Variants in SLC35D1 observed in about 807,000 individuals in gnomAD.
The protein encoded by SLC35D1 is nucleotide sugar transporter SLC35D1.
SLC35D1 carries 31 observed loss-of-function variants against 46.7 expected under a neutral mutation model. The observed-to-expected ratio is 0.66, with a 90% CI of 0.50 to 0.90. SLC35D1 has a LOEUF of 0.90. Ranked by LOEUF, SLC35D1 falls within the 40% of genes least tolerant of loss-of-function variation. SLC35D1 has a pLI of 0.00. For synonymous variants in SLC35D1, 195 were observed against 164.6 expected (o/e 1.18, Z -1.41); for missense variants, 397 against 426.2 (o/e 0.93, Z 0.60).
At chr1:66,987,825 G>C in the SLC35D1 span, 1 of 151,990 alleles carries the variant, frequency 6.6e-6, no homozygotes, top group Non-Finnish European at 1.5e-5. Flanking sequence ...TTTTTCAGTG[G>C]TTCTTGGTCC....
Position 67,034,102 on chromosome 1 carries a change from T to C in SLC35D1, c.729+8134A>G, listed in dbSNP as rs548932372. On this transcript the variant is annotated intron_variant, in intron 8 of 11. Coordinates refer to ENST00000235345, the MANE Select transcript of SLC35D1 (RefSeq NM_015139.3). ...TGTTTTGGTTACTATAGCTCTGTAG[T>C]ATAATTTGAAGTCAGGTAATGTGAT... Among the ~76,000 whole-genome samples the C allele has an allele frequency of 3.2e-4, 49 of 152,358 alleles. No homozygotes were observed. The South Asian group carries it at 5.4e-3, about 17-fold the overall frequency.
chr1:66,986,160 CT>C, the SLC35D1 span: 1 of 1,192,010 alleles, frequency 8.4e-7, no homozygotes, highest in Non-Finnish European at 1.0e-6. Context: ...ACTTTTCAAA[CT>C]TTTCTAGTTA....
At chr1:66,981,896 T>C in the SLC35D1 span, 1 of 1,614,012 alleles carries the variant, frequency 6.2e-7, no homozygotes, top group Non-Finnish European at 8.5e-7. Context: ...AAGATGGCAC[T>C]GTAAGCACTG....
At chr1:67,008,988 GA>G in intron 11 of SLC35D1, 96 bp downstream of exon 11, 1 of 621,758 alleles carries the variant, frequency 1.6e-6, no homozygotes, top group Non-Finnish European at 3.0e-6. Flanking sequence ...GTTTAATAAT[GA>G]ATAAATGTTC....
At chr1:67,053,210 G>C (rs149224749) in intron 1 of SLC35D1, among the ~76,000 whole-genome samples, 1 of 151,912 alleles carries the variant, frequency 6.6e-6, no homozygotes, top group East Asian at 1.9e-4. Flanking sequence ...CATCTTGTCC[G>C]AGTCTACAGT....
downstream of SLC35D1, among the ~76,000 whole-genome samples, chr1:66,997,519 A>ATATATATATATAT (rs1553262616): frequency 3.0e-3 from 220 of 73,988 alleles, 1 homozygote; most frequent in Admixed American, 4.5e-3. Flanking sequence ...AAAAAAAAAA[A>ATATATATATATAT]ATATATATAT....
downstream of SLC35D1, among the ~76,000 whole-genome samples, chr1:66,998,005 G>A (rs530140545): frequency 2.1e-4 from 32 of 151,652 alleles, no homozygotes; most frequent in South Asian, 2.9e-3. Flanking sequence ...CCATTAGGAC[G>A]GCTACAATCT....
At chr1:67,014,698 GT>G (rs2102258983) in intron 10 of SLC35D1, among the ~76,000 whole-genome samples, 1 of 91,136 alleles carries the variant, frequency 1.1e-5, no homozygotes, top group East Asian at 3.6e-4. Flanking sequence ...TTTTGGCCTG[GT>G]TGGATTGATC....
At chr1:67,028,750 G>A (rs1238918261) in intron 8 of SLC35D1, among the ~76,000 whole-genome samples, 1 of 151,930 alleles carries the variant, frequency 6.6e-6, no homozygotes, top group Non-Finnish European at 1.5e-5. Flanking sequence ...GTGTTCATTT[G>A]CTTTACAATC....
chr1:66,991,886 GTATAATC>G, the SLC35D1 span, among the ~76,000 whole-genome samples: 11,286 of 151,898 alleles, frequency 0.074, 514 homozygotes, highest in African/African-American at 0.13. Flanking sequence ...GGCCGTTACT[GTATAATC>G]TGTGGTAAGC....
At chr1:66,976,600 A>T in the SLC35D1 span, 2 of 1,586,792 alleles carry the variant, frequency 1.3e-6, no homozygotes, top group Admixed American at 1.8e-5. Flanking sequence ...TACAGGTCCG[A>T]ACAAGGTCAG....
intron 10 of SLC35D1, among the ~76,000 whole-genome samples, chr1:67,017,943 T>C (rs1053531119): frequency 1.3e-5 from 2 of 152,302 alleles, no homozygotes; most frequent in African/African-American, 4.8e-5. Flanking sequence ...AAATGGCTTT[T>C]AATATATAAA....
chr1:67,021,235 T>C (rs772169916), intron 9 of SLC35D1, among the ~76,000 whole-genome samples: 5 of 152,322 alleles, frequency 3.3e-5, no homozygotes, highest in Admixed American at 6.5e-5. Flanking sequence ...TTACTAAAGT[T>C]CTATCTGTCA....
intron 10 of SLC35D1, among the ~76,000 whole-genome samples, chr1:67,019,626 C>A (rs1230590404): frequency 3.9e-5 from 6 of 152,190 alleles, no homozygotes; most frequent in African/African-American, 1.2e-4. Flanking sequence ...AAGGAAGTCA[C>A]AAGGGTAATG....
chr1:67,028,634 C>A (rs563498504), intron 8 of SLC35D1, among the ~76,000 whole-genome samples: 1 of 152,226 alleles, frequency 6.6e-6, no homozygotes, highest in Admixed American at 6.5e-5. Context: ...GTTTACTGAG[C>A]TCCTTGTGTG....
chr1:67,048,051 A>C (rs1349767591), intron 6 of SLC35D1, among the ~76,000 whole-genome samples: 5 of 152,348 alleles, frequency 3.3e-5, no homozygotes, highest in African/African-American at 9.6e-5. Context: ...AGCATACTTC[A>C]GCACCCTAGC....
chr1:67,045,508 T>G (rs906720700), intron 7 of SLC35D1, among the ~76,000 whole-genome samples: 1 of 152,200 alleles, frequency 6.6e-6, no homozygotes, highest in African/African-American at 2.4e-5. Context: ...TAAATAGAAT[T>G]CTACCTTCTA....
the SLC35D1 span, among the ~76,000 whole-genome samples, chr1:66,990,988 G>A: frequency 6.6e-6 from 1 of 152,230 alleles, no homozygotes; most frequent in Admixed American, 6.5e-5. Context: ...ATAATCATTT[G>A]TCTCTCCTGC....
intron 8 of SLC35D1, 135 bp from the exon 9 acceptor site, chr1:67,021,737 A>C: frequency 2.9e-6 from 2 of 699,572 alleles, no homozygotes; most frequent in Admixed American, 4.1e-5. Context: ...ACACACACAC[A>C]CACACACACA....
Sources: gnomAD v4.1 joint callset for allele counts (sites outside exome capture counted in the v4.1 genomes callset) on GRCh38, gnomAD v4.1.1 for gene constraint, MANE v1.5 for transcripts, NCBI Gene and HGNC (gene_info 2026-07-23, HGNC 2026-07-21) for gene names.